The following SYMPK variants were observed in gnomAD, a reference collection of about 807,000 sequenced individuals.
The protein encoded by SYMPK is symplekin.
Under a neutral mutation model 136.4 loss-of-function variants are expected in SYMPK, and 49 were observed. The ratio of observed to expected loss-of-function variants is 0.36; its 90% confidence interval spans 0.29 to 0.46. The LOEUF is 0.46. Among genes scored for constraint, SYMPK ranks in the 20% least tolerant of loss-of-function variants. SYMPK has a pLI of 1.00. For synonymous variants in SYMPK, 766 were observed against 713.0 expected, an observed-to-expected ratio of 1.07 and a Z score of -1.19; for missense variants, 1,365 against 1,690.0, an observed-to-expected ratio of 0.81 and a Z score of 3.37.
chr19:45,837,593 G>C (rs1971331066), intron 10 of SYMPK, among the ~76,000 whole-genome samples: 1 of 140,424 alleles, frequency 7.1e-6, no homozygotes, highest in African/African-American at 2.7e-5. Context: ...CTCCAGTCTG[G>C]GTAACAAAGC....
chr19:45,824,181 T>G (rs762288871), intron 18 of SYMPK: 7 of 281,776 alleles, frequency 2.5e-5, no homozygotes, highest in South Asian at 4.5e-5. Flanking sequence ...CTTCGTTCAC[T>G]GGTGAAGATG....
At chr19:45,822,665 C>T (rs1300586119) in intron 21 of SYMPK, 91 bp downstream of exon 21, 8 of 1,063,208 alleles carry the variant, frequency 7.5e-6, no homozygotes, top group Non-Finnish European at 7.2e-6. Flanking sequence ...GATGTGCCCT[C>T]TCTCCCTGAG....
intron 21 of SYMPK, among the ~76,000 whole-genome samples, chr19:45,822,233 C>T (rs1253828275): frequency 6.6e-6 from 1 of 151,646 alleles, no homozygotes; most frequent in East Asian, 1.9e-4. Context: ...ATTCTCCTGC[C>T]TCAGCCTCCC....
At chr19:45,827,663 AGT>A (rs769391112) in intron 15 of SYMPK, 40 bp from the exon 16 acceptor site, 1 of 1,571,946 alleles carries the variant, frequency 6.4e-7, no homozygotes, top group Non-Finnish European at 8.8e-7. Context: ...AGCCCACCTG[AGT>A]GTGCCTCTGG....
intron 21 of SYMPK, 113 bp downstream of exon 21, chr19:45,822,642 TC>T (rs941748067): frequency 2.0e-5 from 16 of 788,412 alleles, no homozygotes; most frequent in Non-Finnish European, 3.2e-5. Flanking sequence ...ACAGCTGGTG[TC>T]CCAGGGAGCA....
Position 45,815,566 on chromosome 19 carries a change from G to A in SYMPK, c.3819C>T (p.Asn1273=), listed in dbSNP as rs1226214943. ...CTTTCCCCCTCGAGCCCCGTCAGCT[G>A]TTCCCCTTGGCCTCGGGTTCCCTGG... ...EDAREPEAKG[N]S Residue 1273 remains asparagine (N), a synonymous_variant, in exon 27 of 27, where the codon AAC becomes AAT. Coordinates refer to ENST00000245934, the MANE Select transcript of SYMPK (RefSeq NM_004819.3). 1.3e-6 allele frequency: 2 copies of A among 1,569,898 alleles called. No individual in the cohort carries two copies. Among genetic ancestry groups the A allele is most frequent in the East Asian group, 4.7e-5 (2 of 42,656 alleles).
rs1289671181 is a variant in SYMPK, at chr19:45,821,882, T to C, written c.2792-397A>G. ...GGCAAGATGGAGCCAGGCTACAGGC[T>C]TCCAAAAAGTGGCTGGAGCCTTCTG... On this transcript the variant is annotated intron_variant, in intron 21 of 26. Coordinates refer to ENST00000245934, the MANE Select transcript of SYMPK (RefSeq NM_004819.3). This position sits in a 1 kb window ranked among gnomAD's most constrained non-coding sequence, Gnocchi z 4.4. 6.6e-6 allele frequency among the ~76,000 whole-genome samples: 1 copy of C among 152,100 alleles called. No individual in the cohort carries two copies. Among genetic ancestry groups the C allele is most frequent in the Non-Finnish European group, 1.5e-5 (1 of 67,996 alleles).
Position 45,818,019 on chromosome 19 carries a change from G to A in SYMPK, c.3021C>T (p.Thr1007=), listed in dbSNP as rs1177743199. ...CGAAGCCCCCCAGGCGGGGGTACAT[G>A]GTCAGGGACTGGATGACGGTCCTCA... ...LLMRTVIQSL[T]MYPRLGGFVM... The change falls in exon 23 of 27, where the codon ACC becomes ACT. Residue 1007 remains threonine (T), a synonymous_variant. Coordinates refer to ENST00000245934, the MANE Select transcript of SYMPK (RefSeq NM_004819.3). 1 of 1,578,596 alleles carries A rather than the reference G, an allele frequency of 6.3e-7. No individual in the cohort carries two copies. Among genetic ancestry groups the A allele is most frequent in the Non-Finnish European group, 8.6e-7 (1 of 1,161,980 alleles).
chr19:45,822,115 C>CTTT (rs141894331), intron 21 of SYMPK, among the ~76,000 whole-genome samples: 27 of 86,092 alleles, frequency 3.1e-4, no homozygotes, highest in Admixed American at 5.1e-4. Context: ...AGTTTTGCTT[C>CTTT]TTTTTTTTTT....
At chr19:45,846,065 T>C (rs1971552268) in intron 7 of SYMPK, among the ~76,000 whole-genome samples, 1 of 152,004 alleles carries the variant, frequency 6.6e-6, no homozygotes, top group African/African-American at 2.4e-5. Context: ...TGAAACCCTG[T>C]CTCTACTAAA....
intron 1 of SYMPK, among the ~76,000 whole-genome samples, chr19:45,856,579 T>C (rs920911297): frequency 6.6e-6 from 1 of 152,182 alleles, no homozygotes; most frequent in East Asian, 1.9e-4. Flanking sequence ...AGTTAGTATA[T>C]ACAGTAAACA....
chr19:45,828,623 G>A, intron 14 of SYMPK: 1 of 289,434 alleles, frequency 3.5e-6, no homozygotes, highest in Non-Finnish European at 6.5e-6. Context: ...ACCAACTCAG[G>A]TAGTGAATGG....
intron 5 of SYMPK, among the ~76,000 whole-genome samples, chr19:45,850,078 C>G (rs1423849151): frequency 6.6e-6 from 1 of 151,480 alleles, no homozygotes; most frequent in Non-Finnish European, 1.5e-5. Flanking sequence ...CAAAAAAAAA[C>G]AACAACAGAA....
At chr19:45,828,274 T>C (rs1348912700) in intron 14 of SYMPK, 4 of 259,954 alleles carry the variant, frequency 1.5e-5, no homozygotes, top group Non-Finnish European at 3.0e-5. Context: ...TTGAGTACAC[T>C]GGTGGATGAG....
chr19:45,817,387 T>C (rs1053645890), intron 23 of SYMPK, among the ~76,000 whole-genome samples: 1 of 150,822 alleles, frequency 6.6e-6, no homozygotes, highest in Non-Finnish European at 1.5e-5. Flanking sequence ...GGGGCGACAT[T>C]AGTCCTGCGG....
chr19:45,858,993 G>C (rs1354232396), intron 1 of SYMPK, among the ~76,000 whole-genome samples: 2 of 151,888 alleles, frequency 1.3e-5, no homozygotes, highest in Admixed American at 1.3e-4. Flanking sequence ...GGCTGGTCTT[G>C]AACTCCTGCA....
Position 45,854,391 on chromosome 19 carries a change from CCTCT to C in SYMPK, c.101_104del (p.Glu34GlyfsTer6). The C allele has an allele frequency of 1.2e-6, 2 of 1,614,070 alleles. No individual in the cohort carries two copies. Among genetic ancestry groups the C allele is most frequent in the Non-Finnish European group, 1.7e-6 (2 of 1,179,960 alleles). Reference sequence around the variant, plus strand: ...TCCAAGCCCTACCCGCCACGCTCACCCTCTCTGAGGTGGTCATGCCATCGATGCC... The same window carrying C: ...TCCAAGCCCTACCCGCCACGCTCACCCTGAGGTGGTCATGCCATCGATGCC... On this transcript the variant is annotated frameshift_variant and splice_region_variant, in exon 2 of 27. Coordinates refer to ENST00000245934, the MANE Select transcript of SYMPK (RefSeq NM_004819.3). LOFTEE classifies it high-confidence loss of function.
intron 9 of SYMPK, 119 bp from the exon 10 acceptor site, chr19:45,838,734 C>T (rs12327784): frequency 0.094 from 106,810 of 1,132,510 alleles, 7,284 homozygotes; most frequent in East Asian, 0.39. Flanking sequence ...GAGCAAACAG[C>T]GGATGAAGAT....
chr19:45,858,555 GC>G (rs1032158352), intron 1 of SYMPK, among the ~76,000 whole-genome samples: 1 of 150,866 alleles, frequency 6.6e-6, no homozygotes, highest in African/African-American at 2.4e-5. Context: ...CCCTCTTATT[GC>G]CCAGGCTGGA....
Sources: allele counts gnomAD v4.1 joint callset (sites outside exome capture counted in the v4.1 genomes callset), GRCh38; gene constraint gnomAD v4.1.1; non-coding constraint Gnocchi (gnomAD v3.1); transcripts MANE v1.5; gene names NCBI Gene and HGNC (gene_info 2026-07-23, HGNC 2026-07-21).